The following TSHZ2 variants were observed in gnomAD, a reference collection of about 807,000 sequenced individuals.
TSHZ2 encodes teashirt zinc finger homeobox 2, also known as teashirt homolog 2.
TSHZ2 carries 21 observed loss-of-function variants against 74.4 expected under a neutral mutation model. The ratio of observed to expected loss-of-function variants is 0.28; its 90% CI spans 0.20 to 0.41. The LOEUF is 0.41. Ranked by LOEUF, TSHZ2 falls within the 10% of genes least tolerant of loss-of-function variation. TSHZ2 has a pLI of 1.00. For missense variants in TSHZ2, 1,244 were observed against 1,293.5 expected (o/e 0.96, Z 0.59); for synonymous variants, 540 against 515.3 (o/e 1.05, Z -0.65).
At chr20:53,332,638 C>T (rs991686412) in intron 2 of TSHZ2, among the ~76,000 whole-genome samples, 3 of 152,038 alleles carry the variant, frequency 2.0e-5, no homozygotes, top group South Asian at 2.1e-4. Flanking sequence ...AATGACGAGG[C>T]GAAACTGGAG....
intron 1 of TSHZ2, among the ~76,000 whole-genome samples, chr20:52,985,947 T>C (rs1446890738): frequency 2.0e-5 from 3 of 152,224 alleles, no homozygotes; most frequent in Non-Finnish European, 4.4e-5. Flanking sequence ...GTAGTGAAAG[T>C]AATGTCCCTT....
intron 2 of TSHZ2, among the ~76,000 whole-genome samples, chr20:53,326,016 C>T (rs62208309): frequency 0.035 from 5,357 of 152,198 alleles, 150 homozygotes; most frequent in Non-Finnish European, 0.055. Context: ...CTTCTGACCT[C>T]GTGATTCCCC....
At chr20:53,483,507 TC>T (rs1452646269) in intron 2 of TSHZ2, among the ~76,000 whole-genome samples, 1 of 151,816 alleles carries the variant, frequency 6.6e-6, no homozygotes, top group African/African-American at 2.4e-5. Flanking sequence ...CAAAACCCTG[TC>T]CCCCACCTCC....
At chr20:53,403,009 A>G (rs1982723365) in intron 2 of TSHZ2, among the ~76,000 whole-genome samples, 1 of 152,158 alleles carries the variant, frequency 6.6e-6, no homozygotes, top group Non-Finnish European at 1.5e-5. Context: ...TATTGGACCA[A>G]GGTAGTGGAC....
chr20:53,175,227 C>G lies in TSHZ2; in HGVS notation c.41-78272C>G, dbSNP rs1988306860. 2.0e-5 allele frequency among the ~76,000 whole-genome samples: 3 copies of G among 147,964 alleles called. No homozygotes were observed. In the South Asian group the frequency reaches 6.5e-4, roughly 32 times the overall value. Reference sequence around the variant, plus strand: ...CACGATCTCGGCTTGCTGCAACCTCCTCTTCCCAGGTTAAAGCAATTGCCT... The same window carrying G: ...CACGATCTCGGCTTGCTGCAACCTCGTCTTCCCAGGTTAAAGCAATTGCCT... On this transcript the variant is annotated intron_variant, in intron 1 of 2. Coordinates refer to ENST00000371497, the MANE Select transcript of TSHZ2 (RefSeq NM_173485.6).
intron 2 of TSHZ2, among the ~76,000 whole-genome samples, chr20:53,361,591 T>A (rs1411820182): frequency 6.6e-6 from 1 of 152,198 alleles, no homozygotes. Flanking sequence ...TTCCACCCTT[T>A]CTTTTGATCA....
intron 2 of TSHZ2, among the ~76,000 whole-genome samples, chr20:53,444,651 C>T (rs944952625): frequency 4.6e-5 from 7 of 152,198 alleles, no homozygotes; most frequent in African/African-American, 1.4e-4. Flanking sequence ...TGTGCAAACC[C>T]GCTGAGTCTT....
intron 2 of TSHZ2, among the ~76,000 whole-genome samples, chr20:53,298,778 A>G (rs918131295): frequency 3.3e-5 from 5 of 152,212 alleles, no homozygotes; most frequent in African/African-American, 1.2e-4. Flanking sequence ...AGAGTGTGAA[A>G]TCTAGTCTCC....
intron 1 of TSHZ2, among the ~76,000 whole-genome samples, chr20:53,150,202 T>C (rs1023960464): frequency 6.6e-6 from 1 of 152,172 alleles, no homozygotes; most frequent in African/African-American, 2.4e-5. Context: ...AAAGCTGGGA[T>C]TCAAATCTGG....
intron 1 of TSHZ2, among the ~76,000 whole-genome samples, chr20:53,229,954 AAGAG>A (rs370766023): frequency 1.3e-5 from 2 of 151,092 alleles, no homozygotes; most frequent in Admixed American, 6.6e-5. Flanking sequence ...GGAAGGAAGA[AAGAG>A]AAAGAAGAAG....
At chr20:53,327,015 G>A (rs1335564929) in intron 2 of TSHZ2, among the ~76,000 whole-genome samples, 1 of 152,214 alleles carries the variant, frequency 6.6e-6, no homozygotes. Flanking sequence ...AATTGAGAAG[G>A]TTGTGGAAAC....
chr20:52,991,539 T>C (rs1981992026), intron 1 of TSHZ2, among the ~76,000 whole-genome samples: 1 of 150,528 alleles, frequency 6.6e-6, no homozygotes, highest in South Asian at 2.1e-4. Flanking sequence ...GTGGATTATG[T>C]ATGTTGTGGG....
At chr20:53,392,554 G>A (rs1982295889) in intron 2 of TSHZ2, among the ~76,000 whole-genome samples, 1 of 152,206 alleles carries the variant, frequency 6.6e-6, no homozygotes, top group South Asian at 2.1e-4. Flanking sequence ...CAACAGTTTT[G>A]TAGCAATTAA....
chr20:53,392,080 G>A (rs185981055), intron 2 of TSHZ2, among the ~76,000 whole-genome samples: 26 of 152,296 alleles, frequency 1.7e-4, no homozygotes, highest in Admixed American at 1.5e-3. Context: ...AGACATGGAG[G>A]TAATTTTATT....
At chr20:53,107,445 G>A (rs1306726712) in intron 1 of TSHZ2, among the ~76,000 whole-genome samples, 3 of 152,244 alleles carry the variant, frequency 2.0e-5, no homozygotes, top group Non-Finnish European at 2.9e-5. Flanking sequence ...GCACCACCTC[G>A]CCTCTGTTTG....
chr20:52,989,240 T>C (rs917791510), intron 1 of TSHZ2, among the ~76,000 whole-genome samples: 3 of 152,162 alleles, frequency 2.0e-5, no homozygotes, highest in Non-Finnish European at 4.4e-5. Context: ...TTTATTTATT[T>C]CCTTTTTAGT....
intron 2 of TSHZ2, among the ~76,000 whole-genome samples, chr20:53,326,650 G>A (rs967339613): frequency 1.3e-5 from 2 of 152,200 alleles, no homozygotes; most frequent in Non-Finnish European, 2.9e-5. Context: ...TGATGATGTG[G>A]TATAACTGTT....
intron 1 of TSHZ2, among the ~76,000 whole-genome samples, chr20:53,144,670 A>C (rs1407393593): frequency 1.3e-5 from 2 of 152,160 alleles, no homozygotes; most frequent in Non-Finnish European, 2.9e-5. Flanking sequence ...CTAACAACCC[A>C]TAATATTCAT....
chr20:53,218,387 G>A lies in TSHZ2; in HGVS notation c.41-35112G>A, dbSNP rs1243263476. Reference sequence around the variant, plus strand: ...CAGGGGCAAATGAATTCGGCTTGCCGACTTATTTGTTCGGCCCACACAAAC... The same window carrying A: ...CAGGGGCAAATGAATTCGGCTTGCCAACTTATTTGTTCGGCCCACACAAAC... On this transcript the variant is annotated intron_variant, in intron 1 of 2. Coordinates refer to ENST00000371497, the MANE Select transcript of TSHZ2 (RefSeq NM_173485.6). Among the ~76,000 whole-genome samples the A allele has an allele frequency of 2.6e-5, 4 of 152,226 alleles. No homozygotes were observed. In the South Asian group the frequency reaches 6.2e-4, roughly 24 times the overall value.
Sources: gnomAD v4.1 joint callset for allele counts (sites outside exome capture counted in the v4.1 genomes callset) on GRCh38, gnomAD v4.1.1 for gene constraint, MANE v1.5 for transcripts, NCBI Gene and HGNC (gene_info 2026-07-23, HGNC 2026-07-21) for gene names.